SEMA3A: variants seen among roughly 807,000 people sequenced by gnomAD.
The protein encoded by SEMA3A is semaphorin-3A.
SEMA3A carries 29 observed loss-of-function variants against 97.9 expected under a neutral mutation model. That is an observed-to-expected ratio of 0.30 (90% CI 0.22 to 0.40). The LOEUF is 0.40. SEMA3A is among the 10% of genes least tolerant of loss of function. The pLI is 1.00. For missense variants in SEMA3A, 763 were observed against 951.3 expected (o/e 0.80, Z 2.60); for synonymous variants, 321 against 323.7 (o/e 0.99, Z 0.09).
In SEMA3A at chr7:84,150,580, A is replaced by G. The variant is rs551051379; in HGVS notation, c.113-15629T>C. 1.5e-3 allele frequency among the ~76,000 whole-genome samples: 236 copies of G among 152,274 alleles called. 1 individual carries two copies. Among genetic ancestry groups the G allele is most frequent in the East Asian group, 0.013 (67 of 5,178 alleles). ...CGAGATTATATCCCGCACCTGGCTCAGAGGGTCCTACCCTATGGAGTCTCG... is the reference window on the plus strand; with the variant it reads ...CGAGATTATATCCCGCACCTGGCTCGGAGGGTCCTACCCTATGGAGTCTCG... On this transcript the variant is annotated intron_variant, in intron 1 of 16. Coordinates refer to ENST00000265362, the MANE Select transcript of SEMA3A (RefSeq NM_006080.3).
chr7:84,228,152 G>A (rs1412281406), intron 3 of SEMA3A, among the ~76,000 whole-genome samples: 1 of 151,982 alleles, frequency 6.6e-6, no homozygotes, highest in Admixed American at 6.6e-5. Flanking sequence ...AGTACAATGA[G>A]CTAGGATGAG....
At chr7:84,132,636 A>G (rs1795995309) in intron 2 of SEMA3A, among the ~76,000 whole-genome samples, 1 of 137,572 alleles carries the variant, frequency 7.3e-6, no homozygotes, top group Non-Finnish European at 1.6e-5. Context: ...AAATCAATAT[A>G]TCTAATTTTT....
chr7:84,137,947 AACTAGG>A (rs1245023727), intron 1 of SEMA3A, among the ~76,000 whole-genome samples: 3 of 152,174 alleles, frequency 2.0e-5, no homozygotes, highest in African/African-American at 7.2e-5. Flanking sequence ...TAGATGTGCA[AACTAGG>A]ACAAGTTCCT....
intron 13 of SEMA3A, among the ~76,000 whole-genome samples, chr7:83,984,608 C>CTTTTTTTTT (rs371082897): frequency 6.1e-5 from 6 of 98,880 alleles, no homozygotes; most frequent in Non-Finnish European, 7.8e-5. Flanking sequence ...GATTTTTCTG[C>CTTTTTTTTT]TTTTTTTTTT....
At chr7:84,310,771 A>G (rs1801293644) in intron 2 of SEMA3A, among the ~76,000 whole-genome samples, 1 of 152,076 alleles carries the variant, frequency 6.6e-6, no homozygotes, top group Non-Finnish European at 1.5e-5. Context: ...ATTATTGGAA[A>G]GATTTAAAGC....
At chr7:84,022,407 T>C (rs772346676) in intron 6 of SEMA3A, among the ~76,000 whole-genome samples, 6 of 152,200 alleles carry the variant, frequency 3.9e-5, no homozygotes, top group Non-Finnish European at 8.8e-5. Flanking sequence ...ACCTGTGTCC[T>C]GTGGCCCATT....
At chr7:84,109,932 T>A (rs1795226925) in intron 4 of SEMA3A, among the ~76,000 whole-genome samples, 1 of 152,184 alleles carries the variant, frequency 6.6e-6, no homozygotes, top group Admixed American at 6.5e-5. Context: ...ACAGATTTTT[T>A]AAAAAAACAT....
chr7:84,196,598 A>C (rs866564216), upstream of SEMA3A, among the ~76,000 whole-genome samples: 19 of 152,168 alleles, frequency 1.2e-4, no homozygotes, highest in African/African-American at 4.6e-4. Flanking sequence ...ATCCAAAAAT[A>C]ATGTTGATTT....
chr7:84,062,545 T>C (rs1046464291), intron 4 of SEMA3A, among the ~76,000 whole-genome samples: 28 of 152,034 alleles, frequency 1.8e-4, no homozygotes, highest in African/African-American at 6.0e-4. Context: ...ACAGTGGGCA[T>C]AGGTCAGTGG....
At chr7:83,965,153 A>T (rs1788620713) in intron 15 of SEMA3A, among the ~76,000 whole-genome samples, 1 of 149,898 alleles carries the variant, frequency 6.7e-6, no homozygotes, top group South Asian at 2.1e-4. Flanking sequence ...TTTAGCCAGC[A>T]TGGTCCCGAT....
Position 84,194,600 on chromosome 7 carries a change from T to C in SEMA3A, c.-14A>G, listed in dbSNP as rs1361928757. ...TAACCAGCCCATGCTGCAGACGCTGTAGGTCCCTTTGCTGCTTTAGTCTTC... is the reference window on the plus strand; with the variant it reads ...TAACCAGCCCATGCTGCAGACGCTGCAGGTCCCTTTGCTGCTTTAGTCTTC... On this transcript the variant is annotated 5_prime_UTR_variant, in exon 1 of 17. Transcript: ENST00000265362. The C allele has an allele frequency of 6.6e-7, 1 of 1,508,764 alleles. No homozygotes were observed. Among genetic ancestry groups the C allele is most frequent in the Non-Finnish European group, 9.2e-7 (1 of 1,084,548 alleles). 93.5% of individuals were successfully genotyped at this position (1,508,764 alleles called of 1,614,324 possible). A position where few individuals can be genotyped will look rare whatever the true frequency, so the allele number is the denominator to read the frequency against.
chr7:84,355,922 G>A (rs1414863361), intron 2 of SEMA3A, among the ~76,000 whole-genome samples: 1 of 146,758 alleles, frequency 6.8e-6, no homozygotes, highest in Non-Finnish European at 1.5e-5. Flanking sequence ...TGAGCCCGTG[G>A]CCTTCATAAT....
At chr7:84,137,988 T>C (rs1034125117) in intron 1 of SEMA3A, among the ~76,000 whole-genome samples, 4 of 152,176 alleles carry the variant, frequency 2.6e-5, no homozygotes, top group Non-Finnish European at 5.9e-5. Flanking sequence ...CCAAGTTTTA[T>C]AGAAGATGGG....
At chr7:84,084,751 CA>C (rs1468605505) in intron 4 of SEMA3A, among the ~76,000 whole-genome samples, 3 of 151,984 alleles carry the variant, frequency 2.0e-5, no homozygotes, top group Non-Finnish European at 2.9e-5. Flanking sequence ...TTAAAAAACG[CA>C]AAGCACTTTT....
intron 12 of SEMA3A, among the ~76,000 whole-genome samples, chr7:83,987,785 GTCTT>G (rs76141401): frequency 0.12 from 18,760 of 152,050 alleles, 1,429 homozygotes; most frequent in Non-Finnish European, 0.17. Context: ...CTCTTATTAA[GTCTT>G]TCTTTGTTTC....
intron 4 of SEMA3A, among the ~76,000 whole-genome samples, chr7:84,063,546 A>G (rs1472272131): frequency 6.7e-6 from 1 of 150,342 alleles, no homozygotes; most frequent in African/African-American, 2.4e-5. Context: ...ATGTATAACT[A>G]GAATAACCAA....
At chr7:84,229,606 T>C (rs1456442209) in intron 3 of SEMA3A, among the ~76,000 whole-genome samples, 4 of 152,128 alleles carry the variant, frequency 2.6e-5, no homozygotes, top group African/African-American at 9.6e-5. Context: ...TCAAGTCTTA[T>C]ATTTCTATAT....
At chr7:84,280,289 T>C (rs192856678) in intron 3 of SEMA3A, among the ~76,000 whole-genome samples, 183 of 152,326 alleles carry the variant, frequency 1.2e-3, no homozygotes, top group African/African-American at 4.2e-3. Context: ...ATGCTTTATA[T>C]GCCTTTATTA....
At chr7:84,194,381 G>C in intron 1 of SEMA3A, 94 bp downstream of exon 1, 1 of 788,496 alleles carries the variant, frequency 1.3e-6, no homozygotes, top group South Asian at 1.6e-5. Context: ...TTAAACTAAA[G>C]GTTTGATGAT....
Sources: allele counts gnomAD v4.1 joint callset (sites outside exome capture counted in the v4.1 genomes callset), GRCh38; gene constraint gnomAD v4.1.1; transcripts MANE v1.5; gene names NCBI Gene and HGNC (gene_info 2026-07-23, HGNC 2026-07-21).